Variants in THG1L observed in about 807,000 individuals in gnomAD.
The protein encoded by THG1L is tRNA-histidine guanylyltransferase 1 like.
A neutral mutation model predicts 35.2 loss-of-function variants in THG1L; 27 were observed. The observed-to-expected ratio is 0.77, with a 90% CI of 0.57 to 1.06. The LOEUF (loss-of-function observed/expected upper bound fraction) is 1.06. Ranked by LOEUF, THG1L falls within the 50% of genes least tolerant of loss-of-function variation. The pLI is 0.00. For missense variants in THG1L, 377 were observed against 371.8 expected (o/e 1.01, Z -0.12); for synonymous variants, 135 against 132.4 (o/e 1.02, Z -0.14).
chr5:157,738,307 T>G (rs372352708), intron 5 of THG1L, among the ~76,000 whole-genome samples: 43 of 152,334 alleles, frequency 2.8e-4, no homozygotes, highest in African/African-American at 1.0e-3. Flanking sequence ...ATTTGTGCAT[T>G]AATAAAATAC....
At position 157,731,446 on chromosome 5, in the gene THG1L, G is replaced by C. The variant is rs763782992; in HGVS notation, c.6G>C (p.Trp2Cys). Reference protein sequence around the residue: MWGACKVKVHDS... With the variant: MCGACKVKVHDS... Reference sequence around the variant, plus strand: ...CTTTCCTTTCCGCGTGTAGAATGTGGGGCGCCTGTAAAGTTAAGGTTCACG... The same window carrying C: ...CTTTCCTTTCCGCGTGTAGAATGTGCGGCGCCTGTAAAGTTAAGGTTCACG... Residue 2 changes from tryptophan to cysteine, a missense_variant, in exon 1 of 6, where the codon TGG becomes TGC. Coordinates refer to ENST00000231198, the MANE Select transcript of THG1L (RefSeq NM_017872.5). 3.1e-6 allele frequency: 5 copies of C among 1,594,494 alleles called. No individual in the cohort carries two copies. The highest frequency in any genetic ancestry group is 4.3e-6 in the Non-Finnish European group (5 of 1,169,116).
At chr5:157,738,064 G>T in intron 5 of THG1L, 70 bp downstream of exon 5, 3 of 1,207,176 alleles carry the variant, frequency 2.5e-6, no homozygotes, top group Admixed American at 1.9e-5. Flanking sequence ...TCCAAGCTGT[G>T]CCCTCCCTGC....
intron 1 of THG1L, among the ~76,000 whole-genome samples, chr5:157,732,659 G>C (rs1279546964): frequency 6.6e-6 from 1 of 152,162 alleles, no homozygotes; most frequent in Non-Finnish European, 1.5e-5. Context: ...GAGAGTTGAG[G>C]CTTAGCATTT....
chr5:157,732,812 C>A (rs1232299943), intron 1 of THG1L, 56 bp from the exon 2 acceptor site: 2 of 1,592,916 alleles, frequency 1.3e-6, no homozygotes, highest in African/African-American at 2.7e-5. Flanking sequence ...AGCAACAGAG[C>A]GTGTTGTTAA....
intron 3 of THG1L, among the ~76,000 whole-genome samples, chr5:157,735,479 G>C (rs1167778281): frequency 5.9e-5 from 9 of 152,204 alleles, no homozygotes; most frequent in African/African-American, 2.2e-4. Flanking sequence ...TTATGTGACT[G>C]TGATGATGTT....
chr5:157,739,063 C>T (rs747139868), intron 5 of THG1L, among the ~76,000 whole-genome samples: 12 of 151,876 alleles, frequency 7.9e-5, no homozygotes, highest in Non-Finnish European at 1.3e-4. Flanking sequence ...CGTGAGCCAC[C>T]GCGCTCGGAT....
intron 5 of THG1L, chr5:157,738,534 G>C (rs2113048851): frequency 2.5e-6 from 1 of 395,946 alleles, no homozygotes; most frequent in Non-Finnish European, 4.8e-6. Context: ...CTCTGTACCA[G>C]CTGTTAGGCA....
In THG1L at chr5:157,734,596, C is replaced by T. The variant is rs774468594; in HGVS notation, c.389C>T (p.Ala130Val). 2.7e-5 allele frequency: 44 copies of T among 1,614,028 alleles called. No individual in the cohort carries two copies. The South Asian group carries it at 4.5e-4, about 17-fold the overall frequency. Reference protein sequence around the residue: ...RRASKFMTHVASQFASSYVFY... With the variant: ...RRASKFMTHVVSQFASSYVFY... ...TCAAGTAAGTTCATGACTCACGTGG[C>T]CTCCCAGTTTGCCTCCAGCTATGTG... Residue 130 changes from alanine to valine, a missense_variant, in exon 3 of 6, where the codon GCC becomes GTC. Coordinates refer to ENST00000231198, the MANE Select transcript of THG1L (RefSeq NM_017872.5).
intron 1 of THG1L, among the ~76,000 whole-genome samples, chr5:157,732,215 CAAA>C (rs34744387): frequency 1.9e-3 from 102 of 53,830 alleles, no homozygotes; most frequent in African/African-American, 6.4e-3. Flanking sequence ...TCCGCCACTA[CAAA>C]AAAAAAAAAA....
intron 1 of THG1L, 59 bp from the exon 2 acceptor site, chr5:157,732,809 G>C: frequency 6.3e-7 from 1 of 1,594,770 alleles, no homozygotes; most frequent in Non-Finnish European, 8.6e-7. Flanking sequence ...TCTAGCAACA[G>C]AGCGTGTTGT....
Position 157,739,608 on chromosome 5 carries a change from T to C in THG1L, c.*126T>C. ...ACTGGTGCGAATGACACAACTCAAG[T>C]TGGGAGGGGAACAGGGAAGGAAGGG... On this transcript the variant is annotated 3_prime_UTR_variant, in exon 6 of 6. Transcript: ENST00000231198. 1 of 1,149,246 alleles carries C rather than the reference T, an allele frequency of 8.7e-7. No individual in the cohort carries two copies. Among genetic ancestry groups the C allele is most frequent in the Admixed American group, 2.6e-5 (1 of 38,130 alleles). The allele number at this position is 1,149,246 out of a possible 1,614,324, so 71.2% of individuals were successfully genotyped here. A position where few individuals can be genotyped will look rare whatever the true frequency, so the allele number is the denominator to read the frequency against.
rs1006923597 is a variant in THG1L, at chr5:157,733,174, A to T, written c.368+130A>T. 3 of 1,049,854 alleles carry T rather than the reference A, an allele frequency of 2.9e-6. No homozygotes were observed. The Admixed American group carries it at 7.8e-5, about 27-fold the overall frequency. The allele number at this position is 1,049,854 out of a possible 1,614,324, so 65.0% of individuals were successfully genotyped here. ...ATTTGTAACTGCAGAGTACATGTAT[A>T]TTTCCTGTTTAGATTGTTGTACTTC... On this transcript the variant is annotated intron_variant, in intron 2 of 5. Coordinates refer to ENST00000231198, the MANE Select transcript of THG1L (RefSeq NM_017872.5).
At chr5:157,732,405 G>T (rs1229658170) in intron 1 of THG1L, among the ~76,000 whole-genome samples, 1 of 152,028 alleles carries the variant, frequency 6.6e-6, no homozygotes, top group Non-Finnish European at 1.5e-5. Context: ...GCGGTGATTG[G>T]ACACTGCACT....
chr5:157,731,470 C>G lies in THG1L; in HGVS notation c.30C>G (p.His10Gln), dbSNP rs1346614631. The G allele has an allele frequency of 1.2e-6, 2 of 1,609,104 alleles. No individual in the cohort carries two copies. Among genetic ancestry groups the G allele is most frequent in the Admixed American group, 3.4e-5 (2 of 59,502 alleles). The change falls in exon 1 of 6, where the codon CAC becomes CAG. Residue 10 changes from histidine to glutamine, a missense_variant. His to Gln is a conservative substitution (Grantham distance 24, BLOSUM62 0). Transcript: ENST00000231198. ...GGGGCGCCTGTAAAGTTAAGGTTCA[C>G]GATTCCTTGGCCACCATTTCCATCA... Reference protein sequence around the residue: MWGACKVKVHDSLATISITL... With the variant: MWGACKVKVQDSLATISITL...
At chr5:157,739,039 G>A (rs904318302) in intron 5 of THG1L, among the ~76,000 whole-genome samples, 10 of 152,002 alleles carry the variant, frequency 6.6e-5, no homozygotes, top group African/African-American at 1.2e-4. Flanking sequence ...CTCCCAAAGT[G>A]CTGAGATTAC....
At chr5:157,734,883 T>A (rs1042202971) in intron 3 of THG1L, 138 bp downstream of exon 3, 4 of 953,040 alleles carry the variant, frequency 4.2e-6, no homozygotes, top group Non-Finnish European at 5.8e-6. Context: ...AAATATTTTT[T>A]CAATTAGTTA....
Position 157,732,939 on chromosome 5 carries a change from A to C in THG1L, c.263A>C (p.Gln88Pro). 1 of 1,614,262 alleles carries C rather than the reference A, an allele frequency of 6.2e-7. No individual in the cohort carries two copies. Among genetic ancestry groups the C allele is most frequent in the East Asian group, 2.2e-5 (1 of 44,886 alleles). The change falls in exon 2 of 6, where the codon CAG becomes CCG. Residue 88 changes from glutamine (Q) to proline (P), a missense_variant. Coordinates refer to ENST00000231198, the MANE Select transcript of THG1L (RefSeq NM_017872.5). ...RALQLMTKCA[Q>P]TVMEELEDIV... ...CTCCAGCTGATGACCAAATGTGCGC[A>C]GACTGTGATGGAAGAACTAGAGGAT...
chr5:157,736,166 T>C (rs1028354233), intron 4 of THG1L, among the ~76,000 whole-genome samples: 2 of 152,178 alleles, frequency 1.3e-5, no homozygotes, highest in Non-Finnish European at 2.9e-5. Flanking sequence ...AAAATGGAAT[T>C]GACGGCACTG....
Position 157,731,648 on chromosome 5 carries a change from CG to C in THG1L, c.191+21del, listed in dbSNP as rs754442151. ...TTTCCATCGGTGAGCGAGCTCGACT[CG>C]GGGCGTCGCGATGCGCCAGCGCTTC... On this transcript the variant is annotated intron_variant, in intron 1 of 5. Transcript: ENST00000231198. 3.2e-6 allele frequency: 5 copies of C among 1,577,960 alleles called. No homozygotes were observed. The highest frequency in any genetic ancestry group is 3.5e-6 in the Non-Finnish European group (4 of 1,159,344).
Sources: gnomAD v4.1 joint callset for allele counts (sites outside exome capture counted in the v4.1 genomes callset) on GRCh38, gnomAD v4.1.1 for gene constraint, MANE v1.5 for transcripts, NCBI Gene and HGNC (gene_info 2026-07-23, HGNC 2026-07-21) for gene names.